THADA: variants seen among roughly 807,000 people sequenced by gnomAD.
The protein encoded by THADA is tRNA (32-2'-O)-methyltransferase regulator THADA.
A neutral mutation model predicts 219.8 loss-of-function variants in THADA; 213 were observed. The observed-to-expected ratio is 0.97, with a 90% CI of 0.87 to 1.09. The LOEUF (loss-of-function observed/expected upper bound fraction) is 1.09. THADA is among the 50% of genes least tolerant of loss of function. THADA has a pLI of 0.00. For synonymous variants in THADA, 1,018 were observed against 828.9 expected, an observed-to-expected ratio of 1.23 and a Z score of -3.92; for missense variants, 2,956 against 2,311.3, an observed-to-expected ratio of 1.28 and a Z score of -5.72.
In THADA at chr2:43,293,044, C is replaced by A. The variant is rs763976539; in HGVS notation, c.4608G>T (p.Glu1536Asp). 35 of 1,613,844 alleles carry A rather than the reference C, an allele frequency of 2.2e-5. No individual in the cohort carries two copies. The highest frequency in any genetic ancestry group is 2.8e-5 in the Non-Finnish European group (33 of 1,179,900). The change falls in exon 32 of 38, where the codon GAG (glutamate) becomes GAT (aspartate). Residue 1536 changes from glutamate to aspartate, a missense_variant. Coordinates refer to ENST00000405975, the MANE Select transcript of THADA (RefSeq NM_022065.5). ...AAGAGATGGGGACATTCGTCTCCCGCTCTCCACTCTTGGCTGCCGCGGCCC... is the reference window on the plus strand; with the variant it reads ...AAGAGATGGGGACATTCGTCTCCCGATCTCCACTCTTGGCTGCCGCGGCCC... ...AVWAAAAKSG[E>D]RETNVPISFS...
At chr2:43,403,342 T>C (rs1675108139) in intron 28 of THADA, among the ~76,000 whole-genome samples, 1 of 152,150 alleles carries the variant, frequency 6.6e-6, no homozygotes, top group African/African-American at 2.4e-5. Flanking sequence ...ACAACGAAGA[T>C]GATGCTGATA....
chr2:43,527,423 T>G (rs1233109837), intron 22 of THADA, among the ~76,000 whole-genome samples: 1 of 152,148 alleles, frequency 6.6e-6, no homozygotes, highest in Non-Finnish European at 1.5e-5. Context: ...AAAAAAATAT[T>G]TTCTACTTTT....
At chr2:43,556,130 A>G (rs1283387060) in intron 17 of THADA, 25 of 1,090,798 alleles carry the variant, frequency 2.3e-5, no homozygotes, top group Non-Finnish European at 2.9e-5. Context: ...AAATATTTGT[A>G]TATGTACTTA....
rs555944315 is a variant in THADA, at chr2:43,246,259, C to A, written c.5297-13377G>T. 3.9e-5 allele frequency among the ~76,000 whole-genome samples: 6 copies of A among 152,284 alleles called. No individual in the cohort carries two copies. The East Asian group carries it at 1.2e-3, about 29-fold the overall frequency. ...CCTGTAATCCCAGCACTTTGGGAGG[C>A]TGAGGCAGGCGGATCACTTGAGGTC... is the stretch of plus-strand genomic sequence containing the variant. On this transcript the variant is annotated intron_variant, in intron 36 of 37. Transcript: ENST00000405975.
chr2:43,380,827 G>A (rs1024992755), intron 29 of THADA, among the ~76,000 whole-genome samples: 8 of 152,232 alleles, frequency 5.3e-5, no homozygotes, highest in Admixed American at 1.3e-4. Context: ...GGCTGGATGC[G>A]GTGGCTCACG....
intron 31 of THADA, among the ~76,000 whole-genome samples, chr2:43,319,613 C>A (rs1558573469): frequency 6.6e-6 from 1 of 152,170 alleles, no homozygotes. Context: ...AATGTATTTA[C>A]CGAAGACAAC....
At chr2:43,236,685 A>T (rs546768426) in intron 36 of THADA, among the ~76,000 whole-genome samples, 6 of 152,296 alleles carry the variant, frequency 3.9e-5, no homozygotes, top group African/African-American at 1.4e-4. Flanking sequence ...TCTGCTGTGT[A>T]TCCAAAACAA....
At chr2:43,236,929 AG>A (rs1668093839) in intron 36 of THADA, among the ~76,000 whole-genome samples, 2 of 150,354 alleles carry the variant, frequency 1.3e-5, no homozygotes, top group Admixed American at 1.3e-4. Context: ...AAAATTAGCC[AG>A]GCATGGTGGT....
At position 43,521,570 on chromosome 2, in the gene THADA, G is replaced by T. The variant is rs188801982; in HGVS notation, c.3374+6309C>A. 2.2e-3 allele frequency among the ~76,000 whole-genome samples: 338 copies of T among 152,212 alleles called. 1 individual carries two copies. The highest frequency in any genetic ancestry group is 0.01 in the Middle Eastern group (3 of 294). On this transcript the variant is annotated intron_variant, in intron 22 of 37. Transcript: ENST00000405975. ...GACTCCAGCTCAAAAAAAAGGTAAG[G>T]GGTTTGTTGTTGCTGTTTTCCTATG...
intron 29 of THADA, among the ~76,000 whole-genome samples, chr2:43,369,063 C>T (rs1670503780): frequency 6.6e-6 from 1 of 152,198 alleles, no homozygotes; most frequent in African/African-American, 2.4e-5. Flanking sequence ...TCACGTGCAA[C>T]TAAAATTATT....
intron 36 of THADA, among the ~76,000 whole-genome samples, chr2:43,262,594 A>T (rs1294638491): frequency 6.6e-6 from 1 of 152,252 alleles, no homozygotes; most frequent in Non-Finnish European, 1.5e-5. Flanking sequence ...AAGACACATC[A>T]GATTTTGCCT....
intron 25 of THADA, among the ~76,000 whole-genome samples, chr2:43,491,110 T>C (rs1687580928): frequency 6.6e-6 from 1 of 152,182 alleles, no homozygotes; most frequent in Admixed American, 6.5e-5. Flanking sequence ...TTGTATGTTT[T>C]ACTATTTCAT....
intron 12 of THADA, among the ~76,000 whole-genome samples, chr2:43,572,400 C>A (rs1293061280): frequency 6.6e-6 from 1 of 152,224 alleles, no homozygotes; most frequent in Non-Finnish European, 1.5e-5. Flanking sequence ...TAATCATCCT[C>A]CAGACCTTGC....
At chr2:43,558,863 C>T (rs534177328) in intron 16 of THADA, among the ~76,000 whole-genome samples, 15 of 152,264 alleles carry the variant, frequency 9.9e-5, no homozygotes, top group African/African-American at 3.6e-4. Flanking sequence ...TACTAATCTG[C>T]AAGCCAGAGA....
intron 26 of THADA, among the ~76,000 whole-genome samples, chr2:43,432,263 T>C (rs972115676): frequency 3.9e-5 from 6 of 152,208 alleles, no homozygotes; most frequent in Non-Finnish European, 8.8e-5. Flanking sequence ...GTTCTGGGAT[T>C]ACAGGCGTGA....
intron 29 of THADA, among the ~76,000 whole-genome samples, chr2:43,366,666 C>T (rs1407729061): frequency 6.6e-6 from 1 of 152,130 alleles, no homozygotes; most frequent in Admixed American, 6.5e-5. Context: ...ATGAAGTTAC[C>T]ATCTAAGTAA....
intron 22 of THADA, among the ~76,000 whole-genome samples, chr2:43,511,283 GAAATAC>G (rs909090314): frequency 2.0e-5 from 3 of 152,132 alleles, no homozygotes; most frequent in Non-Finnish European, 4.4e-5. Flanking sequence ...TAAGTGTGCT[GAAATAC>G]AAATACACTA....
intron 36 of THADA, among the ~76,000 whole-genome samples, chr2:43,272,296 C>T (rs933021876): frequency 2.6e-5 from 4 of 152,070 alleles, no homozygotes; most frequent in African/African-American, 7.2e-5. Flanking sequence ...GATGGGAAGC[C>T]AAGAGAGAGT....
At chr2:43,555,692 A>C (rs1340282913) in intron 17 of THADA, among the ~76,000 whole-genome samples, 2 of 151,974 alleles carry the variant, frequency 1.3e-5, no homozygotes, top group Admixed American at 1.3e-4. Context: ...TTTTTCTCCC[A>C]TTACTAGTTC....
Sources: allele counts gnomAD v4.1 joint callset (sites outside exome capture counted in the v4.1 genomes callset), GRCh38; gene constraint gnomAD v4.1.1; transcripts MANE v1.5; gene names NCBI Gene and HGNC (gene_info 2026-07-23, HGNC 2026-07-21).